NTNG2: variants seen among roughly 807,000 people sequenced by gnomAD.
NTNG2 encodes netrin-G2.
Under a neutral mutation model 47.6 loss-of-function variants are expected in NTNG2, and 15 were observed. That is an observed-to-expected ratio of 0.32 (90% CI 0.21 to 0.49). The LOEUF (loss-of-function observed/expected upper bound fraction) is 0.49. NTNG2 is among the 20% of genes least tolerant of loss of function. NTNG2 has a pLI of 0.99. For missense variants in NTNG2, 578 were observed against 764.6 expected, an observed-to-expected ratio of 0.76 and a Z score of 2.88; for synonymous variants, 307 against 324.6, an observed-to-expected ratio of 0.95 and a Z score of 0.58.
At chr9:132,174,273 G>C (rs1317121648) in intron 2 of NTNG2, among the ~76,000 whole-genome samples, 1 of 140,786 alleles carries the variant, frequency 7.1e-6, no homozygotes, top group Non-Finnish European at 1.5e-5. Flanking sequence ...TGGATGGACA[G>C]ACGGACAGAC....
intron 3 of NTNG2, among the ~76,000 whole-genome samples, chr9:132,220,211 T>A (rs1840262284): frequency 6.6e-6 from 1 of 152,242 alleles, no homozygotes; most frequent in African/African-American, 2.4e-5. Flanking sequence ...TATTGAGTTA[T>A]AAGTGTTCAT....
At chr9:132,169,050 CG>C (rs1443878622) in intron 2 of NTNG2, among the ~76,000 whole-genome samples, 2 of 152,170 alleles carry the variant, frequency 1.3e-5, no homozygotes, top group Admixed American at 6.5e-5. Context: ...GTCCCAGTGC[CG>C]GCAGAGCCTC....
At chr9:132,241,507 A>G in intron 7 of NTNG2, 1 of 326,864 alleles carries the variant, frequency 3.1e-6, no homozygotes, top group Non-Finnish European at 5.7e-6. Flanking sequence ...TTGGAAAGGT[A>G]TTTGCGGGGA....
chr9:132,173,505 C>T (rs911055135), intron 2 of NTNG2, among the ~76,000 whole-genome samples: 3 of 152,208 alleles, frequency 2.0e-5, no homozygotes, highest in African/African-American at 4.8e-5. Context: ...TTCCGGTCTG[C>T]GCATCCCCAC....
intron 4 of NTNG2, among the ~76,000 whole-genome samples, chr9:132,228,491 C>A (rs1205846541): frequency 6.6e-6 from 1 of 152,090 alleles, no homozygotes; most frequent in African/African-American, 2.4e-5. Flanking sequence ...GCTGCCCTTT[C>A]GTCTGTCCTG....
chr9:132,181,093 C>CT (rs939451393), intron 2 of NTNG2, among the ~76,000 whole-genome samples: 12 of 151,856 alleles, frequency 7.9e-5, no homozygotes, highest in Admixed American at 5.3e-4. Flanking sequence ...AGGACTTTCT[C>CT]TTTTTTTTGA....
rs553835710 is a variant in NTNG2, at chr9:132,221,412, C to T, written c.858-5437C>T. Among the ~76,000 whole-genome samples, 56 of 152,318 alleles carry T rather than the reference C, an allele frequency of 3.7e-4. No homozygotes were observed. The South Asian group carries it at 8.9e-3, about 24-fold the overall frequency. On this transcript the variant is annotated intron_variant, in intron 3 of 7. Transcript: ENST00000393229. The surrounding 1 kb of genome is among the most constrained non-coding windows in gnomAD (Gnocchi z 4.2). ...AGGTCATACACAAACACCATGTCCA[C>T]ACACACCGACACAGAGGCAGTACCA...
intron 4 of NTNG2, among the ~76,000 whole-genome samples, chr9:132,228,031 G>A (rs1485271972): frequency 1.3e-5 from 2 of 152,214 alleles, no homozygotes; most frequent in African/African-American, 2.4e-5. Flanking sequence ...TTCTCCAGAT[G>A]AGCAGACTGA....
intron 2 of NTNG2, among the ~76,000 whole-genome samples, chr9:132,183,287 C>A (rs1432180524): frequency 6.6e-6 from 1 of 152,178 alleles, no homozygotes; most frequent in East Asian, 1.9e-4. Flanking sequence ...AGGGCTGTCA[C>A]GGGCGCTGCT....
chr9:132,209,730 AG>A (rs1224508135), intron 3 of NTNG2, among the ~76,000 whole-genome samples: 1 of 151,568 alleles, frequency 6.6e-6, no homozygotes, highest in African/African-American at 2.4e-5. Flanking sequence ...AGAGTGAAAT[AG>A]GGGTAAAAAA....
intron 2 of NTNG2, among the ~76,000 whole-genome samples, chr9:132,175,803 G>C (rs1263607262): frequency 2.6e-5 from 4 of 152,044 alleles, no homozygotes; most frequent in African/African-American, 9.7e-5. Context: ...TTCCCCAACT[G>C]AGCAGCCGGG....
chr9:132,225,011 C>G (rs1840638232), intron 3 of NTNG2, among the ~76,000 whole-genome samples: 1 of 151,976 alleles, frequency 6.6e-6, no homozygotes, highest in Non-Finnish European at 1.5e-5. Flanking sequence ...CCTCTGCCTC[C>G]TGGGTTCAAG....
chr9:132,191,749 T>G (rs1467072149), intron 2 of NTNG2, among the ~76,000 whole-genome samples: 1 of 152,064 alleles, frequency 6.6e-6, no homozygotes, highest in Non-Finnish European at 1.5e-5. Context: ...TTTTTTGTAT[T>G]TTTTAGTAGA....
chr9:132,198,277 C>G lies in NTNG2; in HGVS notation c.525C>G (p.Phe175Leu). 1 of 1,611,428 alleles carries G rather than the reference C, an allele frequency of 6.2e-7. No individual in the cohort carries two copies. The highest frequency in any genetic ancestry group is 8.5e-7 in the Non-Finnish European group (1 of 1,179,630). Residue 175 changes from phenylalanine to leucine, a missense_variant, in exon 3 of 8, where the codon TTC (phenylalanine) becomes TTG (leucine). Coordinates refer to ENST00000393229, the MANE Select transcript of NTNG2 (RefSeq NM_032536.4). The stretch of plus-strand genomic sequence containing the variant: ...ACGCCGAGGACTGCATGGAGGCCTT[C>G]GGTATGTCCGCCCGCCGGGCCCGCG... ...QFYAEDCMEAFGMSARRARDM... is the reference protein window; with the variant it reads ...QFYAEDCMEALGMSARRARDM...
intron 2 of NTNG2, among the ~76,000 whole-genome samples, chr9:132,193,266 A>C (rs1242881394): frequency 2.0e-5 from 3 of 152,214 alleles, no homozygotes; most frequent in Non-Finnish European, 4.4e-5. Flanking sequence ...TATTAATATG[A>C]TGATAATAAT....
chr9:132,224,006 C>T (rs1206372822), intron 3 of NTNG2, among the ~76,000 whole-genome samples: 1 of 152,156 alleles, frequency 6.6e-6, no homozygotes, highest in Non-Finnish European at 1.5e-5. Context: ...AGGTTCTCCC[C>T]TTCTGGCCCG....
At chr9:132,227,223 A>G (rs988117392) in intron 4 of NTNG2, among the ~76,000 whole-genome samples, 1 of 152,208 alleles carries the variant, frequency 6.6e-6, no homozygotes, top group Non-Finnish European at 1.5e-5. Flanking sequence ...AAACACGTGC[A>G]TGCACAGAAA....
chr9:132,238,675 C>T (rs1277856466), intron 5 of NTNG2, among the ~76,000 whole-genome samples: 2 of 152,238 alleles, frequency 1.3e-5, no homozygotes, highest in Non-Finnish European at 2.9e-5. Context: ...GATACCACGG[C>T]GAGCGCCGTG....
intron 3 of NTNG2, among the ~76,000 whole-genome samples, chr9:132,216,851 G>A (rs1013014496): frequency 1.4e-4 from 21 of 152,326 alleles, no homozygotes; most frequent in African/African-American, 4.3e-4. Context: ...AGGAGGGCAC[G>A]TGGCAAAGGG....
Sources: gnomAD v4.1 joint callset for allele counts (sites outside exome capture counted in the v4.1 genomes callset) on GRCh38, gnomAD v4.1.1 for gene constraint, Gnocchi (gnomAD v3.1) non-coding constraint, MANE v1.5 for transcripts, NCBI Gene and HGNC (gene_info 2026-07-23, HGNC 2026-07-21) for gene names.